The following VPS8 variants were observed in gnomAD, a reference collection of about 807,000 sequenced individuals.
VPS8 encodes the protein VPS8 subunit of CORVET complex.
A neutral mutation model predicts 216.4 loss-of-function variants in VPS8; 129 were observed. The observed-to-expected ratio is 0.60, with a 90% CI of 0.52 to 0.69. The LOEUF (loss-of-function observed/expected upper bound fraction) is 0.69. Ranked by LOEUF, VPS8 falls within the 30% of genes least tolerant of loss-of-function variation. The pLI is 0.00. For synonymous variants in VPS8, 571 were observed against 565.4 expected (o/e 1.01, Z -0.14); for missense variants, 1,531 against 1,683.5 (o/e 0.91, Z 1.59).
At chr3:184,911,941 C>T (rs991861561) in intron 25 of VPS8, among the ~76,000 whole-genome samples, 7 of 152,152 alleles carry the variant, frequency 4.6e-5, no homozygotes, top group South Asian at 2.1e-4. Context: ...AGTTTGTGTC[C>T]GGCGTAGTGC....
chr3:184,978,683 C>T (rs903980037), intron 40 of VPS8, among the ~76,000 whole-genome samples: 1 of 152,166 alleles, frequency 6.6e-6, no homozygotes, highest in African/African-American at 2.4e-5. Context: ...CAATTGTGAG[C>T]CATCGCACCT....
chr3:184,990,140 A>G (rs1310789122), intron 42 of VPS8, among the ~76,000 whole-genome samples: 1 of 152,184 alleles, frequency 6.6e-6, no homozygotes, highest in Non-Finnish European at 1.5e-5. Flanking sequence ...GACAGTTTGT[A>G]TAGTTTCTTC....
chr3:185,003,230 A>G (rs1229281095), intron 45 of VPS8, among the ~76,000 whole-genome samples: 1 of 134,146 alleles, frequency 7.5e-6, no homozygotes, highest in Non-Finnish European at 1.6e-5. Context: ...ATAGGACAAT[A>G]GTGGAGGGAA....
At position 184,849,586 on chromosome 3, in the gene VPS8, T is replaced by A. The variant is rs1048366333; in HGVS notation, c.667-350T>A. 4.5e-5 allele frequency: 12 copies of A among 269,354 alleles called. No homozygotes were observed. In the East Asian group the frequency reaches 1.0e-3, roughly 23 times the overall value. The allele number at this position is 269,354 out of a possible 1,614,324, so 16.7% of individuals were successfully genotyped here. ...AACTGGCATTAGATTATGGTTTTTT[T>A]ATCTTCTGATTCATACATCACTAGC... On this transcript the variant is annotated intron_variant, in intron 9 of 47. Transcript: ENST00000625842.
intron 25 of VPS8, among the ~76,000 whole-genome samples, chr3:184,908,632 G>A (rs917956434): frequency 6.6e-6 from 1 of 152,216 alleles, no homozygotes; most frequent in Non-Finnish European, 1.5e-5. Context: ...CTTTGCCAGC[G>A]AAGGCAAAAG....
At chr3:184,857,079 G>A (rs1197609450) in intron 14 of VPS8, among the ~76,000 whole-genome samples, 1 of 152,192 alleles carries the variant, frequency 6.6e-6, no homozygotes, top group Non-Finnish European at 1.5e-5. Flanking sequence ...TAGACAGAAA[G>A]CTCCATAACT....
At chr3:184,884,529 G>T (rs2108859779) in intron 21 of VPS8, among the ~76,000 whole-genome samples, 1 of 152,276 alleles carries the variant, frequency 6.6e-6, no homozygotes, top group East Asian at 1.9e-4. Context: ...ACAGGGTCTT[G>T]ATTACAGATT....
At chr3:184,987,020 A>G (rs1194749891) in intron 42 of VPS8, among the ~76,000 whole-genome samples, 3 of 152,086 alleles carry the variant, frequency 2.0e-5, no homozygotes, top group East Asian at 1.9e-4. Context: ...ATAATGTCCT[A>G]TATCCACCAT....
chr3:184,881,759 G>T lies in VPS8; in HGVS notation c.1735-4351G>T, dbSNP rs183784963. Among the ~76,000 whole-genome samples, 435 of 152,050 alleles carry T rather than the reference G, an allele frequency of 2.9e-3. 2 individuals are homozygous for T. The highest frequency in any genetic ancestry group is 0.01 in the African/African-American group (430 of 41,538). On this transcript the variant is annotated intron_variant, in intron 21 of 47. Transcript: ENST00000625842. ...TATTTTTACTATGCTGAGTTTCCTA[G>T]TTTTTCCATTTATTTCACTTTTTTT... is the stretch of plus-strand genomic sequence containing the variant.
At chr3:184,962,726 T>TGTGTGA (rs1292830859) in intron 37 of VPS8, among the ~76,000 whole-genome samples, 17 of 1,788 alleles carry the variant, frequency 9.5e-3, no homozygotes, top group African/African-American at 0.011. Flanking sequence ...AAGGCTTAAG[T>TGTGTGA]GTGTGTGTGT....
intron 1 of VPS8, chr3:184,813,851 C>T (rs1358490116): frequency 6.6e-6 from 1 of 152,136 alleles, no homozygotes; most frequent in African/African-American, 2.4e-5. Flanking sequence ...GAAGTAAGAT[C>T]TTTTGAATTT....
At chr3:184,999,386 A>G (rs1753090919) in intron 44 of VPS8, among the ~76,000 whole-genome samples, 1 of 152,198 alleles carries the variant, frequency 6.6e-6, no homozygotes, top group Non-Finnish European at 1.5e-5. Flanking sequence ...CAGATTATCT[A>G]AAAATACTAT....
chr3:184,933,696 G>A (rs1445378466), intron 34 of VPS8, among the ~76,000 whole-genome samples: 1 of 152,064 alleles, frequency 6.6e-6, no homozygotes, highest in African/African-American at 2.4e-5. Flanking sequence ...TTAGAATACA[G>A]ATGCCCAATT....
intron 40 of VPS8, among the ~76,000 whole-genome samples, chr3:184,975,470 A>G (rs996056277): frequency 6.6e-6 from 1 of 152,100 alleles, no homozygotes; most frequent in Admixed American, 6.5e-5. Context: ...AGGTTTTCAT[A>G]TCTATGAGAT....
At chr3:185,015,964 T>C (rs973321646) in intron 45 of VPS8, among the ~76,000 whole-genome samples, 1 of 152,232 alleles carries the variant, frequency 6.6e-6, no homozygotes, top group Non-Finnish European at 1.5e-5. Flanking sequence ...TTAGCAAATC[T>C]AGAGTCTTCT....
chr3:184,977,463 G>A (rs1455625690), intron 40 of VPS8, among the ~76,000 whole-genome samples: 1 of 151,984 alleles, frequency 6.6e-6, no homozygotes, highest in Non-Finnish European at 1.5e-5. Context: ...AGTTTAATTA[G>A]GTCTCATTTT....
In VPS8 at chr3:184,923,645, G is replaced by A. The variant is rs550691699; in HGVS notation, c.2455-1217G>A. Among the ~76,000 whole-genome samples the A allele has an allele frequency of 7.9e-5, 12 of 152,188 alleles. No individual in the cohort carries two copies. In the South Asian group the frequency reaches 2.5e-3, roughly 32 times the overall value. On this transcript the variant is annotated intron_variant, in intron 29 of 47. Coordinates refer to ENST00000625842, the MANE Select transcript of VPS8 (RefSeq NM_001009921.3). ...TGTAGAATACATTCTAGATTCCTTAGGATGACATTTGAGACCTCATCTTCT... is the reference window on the plus strand; with the variant it reads ...TGTAGAATACATTCTAGATTCCTTAAGATGACATTTGAGACCTCATCTTCT...
chr3:185,001,091 A>G (rs756091125), intron 45 of VPS8, among the ~76,000 whole-genome samples: 1 of 152,188 alleles, frequency 6.6e-6, no homozygotes, highest in Non-Finnish European at 1.5e-5. Flanking sequence ...TGGGGATACA[A>G]TGGTAGACAA....
intron 35 of VPS8, among the ~76,000 whole-genome samples, chr3:184,939,462 GA>G (rs1166187202): frequency 1.3e-5 from 2 of 151,108 alleles, no homozygotes; most frequent in Non-Finnish European, 2.9e-5. Context: ...CAAGAATTTA[GA>G]AATATTCATA....
Sources: gnomAD v4.1 joint callset for allele counts (sites outside exome capture counted in the v4.1 genomes callset) on GRCh38, gnomAD v4.1.1 for gene constraint, MANE v1.5 for transcripts, NCBI Gene and HGNC (gene_info 2026-07-23, HGNC 2026-07-21) for gene names.